SLC10A7: variants seen among roughly 807,000 people sequenced by gnomAD.
The protein encoded by SLC10A7 is solute carrier family 10 member 7.
A neutral mutation model predicts 43.2 loss-of-function variants in SLC10A7; 29 were observed. The observed-to-expected ratio is 0.67, with a 90% CI of 0.50 to 0.92. The LOEUF is 0.92. SLC10A7 is among the 40% of genes least tolerant of loss of function. The pLI is 0.00. For synonymous variants in SLC10A7, 152 were observed against 144.8 expected, an observed-to-expected ratio of 1.05 and a Z score of -0.35; for missense variants, 295 against 403.2, an observed-to-expected ratio of 0.73 and a Z score of 2.30.
At chr4:146,385,587 T>A (rs985410860) in intron 5 of SLC10A7, among the ~76,000 whole-genome samples, 1 of 152,164 alleles carries the variant, frequency 6.6e-6, no homozygotes, top group Non-Finnish European at 1.5e-5. Context: ...TAAAAATAAA[T>A]AAATTTTTTT....
intron 5 of SLC10A7, among the ~76,000 whole-genome samples, chr4:146,368,299 C>A (rs922100566): frequency 7.2e-5 from 11 of 152,178 alleles, no homozygotes; most frequent in Non-Finnish European, 1.6e-4. Flanking sequence ...CGGCAAGCTG[C>A]AGGCAGTACA....
At chr4:146,426,256 C>A (rs374664179) in intron 5 of SLC10A7, among the ~76,000 whole-genome samples, 2 of 152,146 alleles carry the variant, frequency 1.3e-5, no homozygotes, top group Non-Finnish European at 2.9e-5. Context: ...AACGGTTCAG[C>A]GAGCGACATC....
intron 5 of SLC10A7, among the ~76,000 whole-genome samples, chr4:146,425,745 A>G (rs1729299608): frequency 6.6e-6 from 1 of 152,182 alleles, no homozygotes; most frequent in Admixed American, 6.5e-5. Flanking sequence ...ACCTAAAAGC[A>G]ATGATTGAGA....
chr4:146,463,963 C>A (rs991557088), intron 4 of SLC10A7, among the ~76,000 whole-genome samples: 4 of 151,754 alleles, frequency 2.6e-5, no homozygotes, highest in Admixed American at 6.6e-5. Flanking sequence ...GCTGGGACTA[C>A]AGGTATGTGC....
chr4:146,259,854 A>T (rs896568554), intron 10 of SLC10A7, among the ~76,000 whole-genome samples: 2 of 152,240 alleles, frequency 1.3e-5, no homozygotes, highest in Non-Finnish European at 2.9e-5. Context: ...AGCTTCTTCA[A>T]CTGAATAGCT....
intron 10 of SLC10A7, among the ~76,000 whole-genome samples, chr4:146,265,127 C>T (rs776406355): frequency 3.3e-5 from 5 of 152,352 alleles, no homozygotes; most frequent in Non-Finnish European, 7.3e-5. Context: ...GCTAAGTGCT[C>T]TGCCTGCACC....
chr4:146,290,324 A>AC (rs1730355365), intron 9 of SLC10A7, among the ~76,000 whole-genome samples: 1 of 119,100 alleles, frequency 8.4e-6, no homozygotes, highest in African/African-American at 3.2e-5. Flanking sequence ...ACTCCATCTC[A>AC]AAAAAGAAAA....
chr4:146,327,060 T>C (rs996183278), intron 5 of SLC10A7, among the ~76,000 whole-genome samples: 2 of 152,070 alleles, frequency 1.3e-5, no homozygotes, highest in African/African-American at 4.8e-5. Context: ...ACTACTTCAT[T>C]ACTTTTGGAA....
chr4:146,477,017 C>G (rs953696510), intron 4 of SLC10A7, among the ~76,000 whole-genome samples: 1 of 151,952 alleles, frequency 6.6e-6, no homozygotes, highest in Non-Finnish European at 1.5e-5. Context: ...TGCTTCAATA[C>G]TTAAATCTAG....
intron 5 of SLC10A7, among the ~76,000 whole-genome samples, chr4:146,360,821 A>T (rs1472135403): frequency 6.6e-6 from 1 of 152,146 alleles, no homozygotes; most frequent in Non-Finnish European, 1.5e-5. Context: ...AAGTTCGTTT[A>T]GCAAGAAAGA....
At chr4:146,388,054 C>T (rs1426695496) in intron 5 of SLC10A7, among the ~76,000 whole-genome samples, 1 of 152,118 alleles carries the variant, frequency 6.6e-6, no homozygotes, top group African/African-American at 2.4e-5. Flanking sequence ...CATCATTTTT[C>T]ACAGAATTAG....
intron 9 of SLC10A7, among the ~76,000 whole-genome samples, chr4:146,286,748 G>C (rs1044502934): frequency 6.6e-6 from 1 of 151,808 alleles, no homozygotes; most frequent in Non-Finnish European, 1.5e-5. Context: ...GAGAAGGACT[G>C]TGTTTGGAGT....
intron 10 of SLC10A7, among the ~76,000 whole-genome samples, chr4:146,270,525 T>C (rs1728827309): frequency 6.6e-6 from 1 of 152,198 alleles, no homozygotes; most frequent in Non-Finnish European, 1.5e-5. Flanking sequence ...CTGGGTGGCT[T>C]CTAAAAACTA....
At chr4:146,341,069 G>T (rs1326853064) in intron 5 of SLC10A7, among the ~76,000 whole-genome samples, 1 of 151,868 alleles carries the variant, frequency 6.6e-6, no homozygotes. Flanking sequence ...TTATGCTTAT[G>T]AATGGATTTT....
chr4:146,310,795 C>T (rs1187045361), intron 6 of SLC10A7, among the ~76,000 whole-genome samples: 1 of 152,054 alleles, frequency 6.6e-6, no homozygotes, highest in African/African-American at 2.4e-5. Flanking sequence ...TTGACAGAGA[C>T]AGAATCTAAA....
intron 5 of SLC10A7, among the ~76,000 whole-genome samples, chr4:146,349,706 C>T (rs946353562): frequency 5.3e-5 from 8 of 152,136 alleles, no homozygotes; most frequent in African/African-American, 1.9e-4. Flanking sequence ...ATGTTCTTTG[C>T]AGCAACATGG....
intron 6 of SLC10A7, among the ~76,000 whole-genome samples, chr4:146,307,828 T>C (rs1731688346): frequency 6.6e-6 from 1 of 151,030 alleles, no homozygotes; most frequent in South Asian, 2.1e-4. Flanking sequence ...ATTATTAGGT[T>C]TTTAAATTTT....
intron 5 of SLC10A7, among the ~76,000 whole-genome samples, chr4:146,339,267 G>A (rs1734091989): frequency 6.6e-6 from 1 of 151,924 alleles, no homozygotes; most frequent in African/African-American, 2.4e-5. Flanking sequence ...GTTTGGCATA[G>A]CTCATCTATT....
chr4:146,401,432 A>ACTATG (rs1739218153), intron 5 of SLC10A7, among the ~76,000 whole-genome samples: 1 of 152,210 alleles, frequency 6.6e-6, no homozygotes, highest in Admixed American at 6.5e-5. Context: ...CAGCCCTCTT[A>ACTATG]CTATGGTTCC....
Sources: allele counts gnomAD v4.1 joint callset (sites outside exome capture counted in the v4.1 genomes callset), GRCh38; gene constraint gnomAD v4.1.1; transcripts MANE v1.5; gene names NCBI Gene and HGNC (gene_info 2026-07-23, HGNC 2026-07-21).